Variants in SP4 observed in about 807,000 individuals in gnomAD.
The protein encoded by SP4 is Sp4 transcription factor.
A neutral mutation model predicts 72.8 loss-of-function variants in SP4; 19 were observed. That is an observed-to-expected ratio of 0.26 (90% CI 0.18 to 0.38). The LOEUF (loss-of-function observed/expected upper bound fraction) is 0.38. Among genes scored for constraint, SP4 ranks in the 10% least tolerant of loss-of-function variants. SP4 has a pLI of 1.00. For missense variants in SP4, 1,008 were observed against 926.3 expected (o/e 1.09, Z -1.14); for synonymous variants, 395 against 333.1 (o/e 1.19, Z -2.02).
Position 21,428,198 on chromosome 7 carries a change from C to CCCCCCCCCCCCCTT in SP4, c.-53_-52insCCCCCCCCCCCTTC. 9.1e-7 allele frequency: 1 copy of CCCCCCCCCCCCCTT among 1,099,422 alleles called. No individual in the cohort carries two copies. Among genetic ancestry groups the CCCCCCCCCCCCCTT allele is most frequent in the Non-Finnish European group, 1.3e-6 (1 of 750,816 alleles). The allele number at this position is 1,099,422 out of a possible 1,614,324, so 68.1% of individuals were successfully genotyped here. On this transcript the variant is annotated 5_prime_UTR_variant, in exon 1 of 6. Coordinates refer to ENST00000222584, the MANE Select transcript of SP4 (RefSeq NM_003112.5). ...CTCTCCTCCCGCCTCGCCCCCACCC[C>CCCCCCCCCCCCCTT]CACCCACCTCTATCCCAGTGTCTCC...
chr7:21,454,830 C>T (rs904366581), intron 3 of SP4, among the ~76,000 whole-genome samples: 1 of 152,064 alleles, frequency 6.6e-6, no homozygotes, highest in African/African-American at 2.4e-5. Flanking sequence ...GGTTGGGCAC[C>T]CATCTTTGAA....
intron 3 of SP4, among the ~76,000 whole-genome samples, chr7:21,451,623 C>T (rs1275651040): frequency 6.6e-6 from 1 of 152,068 alleles, no homozygotes; most frequent in Non-Finnish European, 1.5e-5. Context: ...CCAAGGGAGA[C>T]AGGGGCAGGA....
intron 5 of SP4, among the ~76,000 whole-genome samples, chr7:21,507,895 G>A (rs1453008295): frequency 6.6e-6 from 1 of 151,910 alleles, no homozygotes; most frequent in African/African-American, 2.4e-5. Flanking sequence ...ACGGGAGAAC[G>A]GAACCATGGA....
chr7:21,457,037 AT>A, intron 3 of SP4, among the ~76,000 whole-genome samples: 1 of 152,318 alleles, frequency 6.6e-6, no homozygotes, highest in African/African-American at 2.4e-5. Flanking sequence ...GAAGGAAGGC[AT>A]AGAGGTATCT....
chr7:21,483,932 T>C (rs1327355588), intron 5 of SP4, among the ~76,000 whole-genome samples: 1 of 151,882 alleles, frequency 6.6e-6, no homozygotes, highest in African/African-American at 2.4e-5. Context: ...CCAAGATACA[T>C]GTGGGACAAA....
chr7:21,511,062 T>C lies in SP4; in HGVS notation c.2148T>C (p.Phe716=). 2 of 1,614,104 alleles carry C rather than the reference T, an allele frequency of 1.2e-6. No individual in the cohort carries two copies. The highest frequency in any genetic ancestry group is 1.7e-6 in the Non-Finnish European group (2 of 1,179,956). ...RFECPECSKR[F]MRSDHLSKHV... ...AATGCCCGGAATGTTCTAAAAGGTT[T>C]ATGCGGAGTGATCATCTCTCCAAAC... Residue 716 remains phenylalanine (F), a synonymous_variant, in exon 6 of 6, where the codon TTT becomes TTC. Transcript: ENST00000222584.
intron 4 of SP4, among the ~76,000 whole-genome samples, chr7:21,479,177 A>C (rs1324959882): frequency 6.6e-6 from 1 of 150,788 alleles, no homozygotes; most frequent in Non-Finnish European, 1.5e-5. Context: ...TGAAGTCTAG[A>C]GTTTTCTATT....
rs894512983 is a variant in SP4, at chr7:21,429,285, G to T, written c.124-4G>T. ...CCTCTCCTTTACCGTCCCATTTTGG[G>T]TAGGACTCTCAGCCCTCTCCTCTGG... is the stretch of plus-strand genomic sequence containing the variant. On this transcript the variant is annotated splice_region_variant and splice_polypyrimidine_tract_variant and intron_variant, in intron 2 of 5. Coordinates refer to ENST00000222584, the MANE Select transcript of SP4 (RefSeq NM_003112.5). The T allele has an allele frequency of 2.5e-6, 4 of 1,572,624 alleles. No individual in the cohort carries two copies. The African/African-American group carries it at 5.6e-5, about 22-fold the overall frequency.
At position 21,428,203 on chromosome 7, in the gene SP4, C is replaced by CCCCCCCCCAA; in HGVS notation, c.-49_-48insCCCCCCCCAA. On this transcript the variant is annotated 5_prime_UTR_variant, in exon 1 of 6. Transcript: ENST00000222584. ...CTCCCGCCTCGCCCCCACCCCCACC[C>CCCCCCCCCAA]ACCTCTATCCCAGTGTCTCCGTCTG... is the stretch of plus-strand genomic sequence containing the variant. 8.2e-7 allele frequency: 1 copy of CCCCCCCCCAA among 1,216,718 alleles called. No individual in the cohort carries two copies. The highest frequency in any genetic ancestry group is 1.2e-6 in the Non-Finnish European group (1 of 854,966). 75.4% of individuals were successfully genotyped at this position (1,216,718 alleles called of 1,614,324 possible).
chr7:21,470,772 A>G (rs1784313388), intron 3 of SP4, among the ~76,000 whole-genome samples: 3 of 147,076 alleles, frequency 2.0e-5, no homozygotes, highest in African/African-American at 7.5e-5. Context: ...AAAAAAAAGC[A>G]GAACAAAAAA....
At chr7:21,481,338 G>A (rs146092745) in intron 4 of SP4, among the ~76,000 whole-genome samples, 1,809 of 152,304 alleles carry the variant, frequency 0.012, 38 homozygotes, top group African/African-American at 0.041. Flanking sequence ...GTGTGGAAAC[G>A]GGAGGAAGTA....
chr7:21,511,098 G>A lies in SP4; in HGVS notation c.2184G>A (p.Thr728=), dbSNP rs757153296. 6.8e-6 allele frequency: 11 copies of A among 1,613,902 alleles called. No individual in the cohort carries two copies. The highest frequency in any genetic ancestry group is 6.7e-5 in the Admixed American group (4 of 59,996). Residue 728 remains threonine (T), a synonymous_variant, in exon 6 of 6, where the codon ACG becomes ACA. Transcript: ENST00000222584. ...ATCATCTCTCCAAACATGTCAAAAC[G>A]CACCAGAATAAAAAAGGTGGTGGGA... ...RSDHLSKHVK[T]HQNKKGGGTA... is the part of the protein sequence containing the mutation.
intron 3 of SP4, among the ~76,000 whole-genome samples, chr7:21,434,577 A>T (rs148963731): frequency 9.1e-4 from 139 of 152,244 alleles, no homozygotes; most frequent in Non-Finnish European, 1.5e-3. Context: ...TGTTATTGGG[A>T]TTCTAAATTT....
At chr7:21,478,383 T>C (rs745944338) in intron 4 of SP4, among the ~76,000 whole-genome samples, 38 of 152,364 alleles carry the variant, frequency 2.5e-4, no homozygotes, top group Middle Eastern at 6.8e-3. Flanking sequence ...TATATGAAAT[T>C]ACCTAGAAAT....
In SP4 at chr7:21,430,484, C is replaced by G; in HGVS notation, c.1319C>G (p.Pro440Arg). The G allele has an allele frequency of 1.9e-6, 3 of 1,614,236 alleles. No individual in the cohort carries two copies. Among genetic ancestry groups the G allele is most frequent in the Non-Finnish European group, 2.5e-6 (3 of 1,180,040 alleles). The stretch of plus-strand genomic sequence containing the variant: ...ACGATTCAGACCATCCAGCAGCAGC[C>G]TTTACAGAATGTTCAACTTCAAGCA... ...GQTIQTIQQQ[P>R]LQNVQLQAVN... is the part of the protein sequence containing the mutation. The change falls in exon 3 of 6, where the codon CCT (proline) becomes CGT (arginine). Residue 440 changes from proline to arginine, a missense_variant. By Grantham distance (103) the Pro-to-Arg change is moderately radical. Coordinates refer to ENST00000222584, the MANE Select transcript of SP4 (RefSeq NM_003112.5).
At chr7:21,502,817 A>G (rs1781903881) in intron 5 of SP4, among the ~76,000 whole-genome samples, 1 of 152,096 alleles carries the variant, frequency 6.6e-6, no homozygotes, top group South Asian at 2.1e-4. Flanking sequence ...TTTGAGAATA[A>G]ATCGCCCTAC....
intron 3 of SP4, among the ~76,000 whole-genome samples, chr7:21,469,580 C>A (rs528281785): frequency 1.4e-5 from 2 of 139,204 alleles, no homozygotes; most frequent in Non-Finnish European, 3.1e-5. Context: ...CTTGCTCTGT[C>A]GCCCAGGCTG....
intron 2 of SP4, 27 bp downstream of exon 2, chr7:21,428,819 C>A: frequency 6.6e-7 from 1 of 1,510,526 alleles, no homozygotes; most frequent in African/African-American, 1.4e-5. Flanking sequence ...TAAAAAAATT[C>A]ATCACGACAC....
rs1435814458 is a variant in SP4, at chr7:21,429,704, A to G, written c.539A>G (p.Gln180Arg). 1 of 1,614,224 alleles carries G rather than the reference A, an allele frequency of 6.2e-7. No individual in the cohort carries two copies. The highest frequency in any genetic ancestry group is 1.7e-5 in the Admixed American group (1 of 60,030). The change falls in exon 3 of 6, where the codon CAA (glutamine) becomes CGA (arginine). Residue 180 changes from glutamine (Q) to arginine (R), a missense_variant. Gln to Arg is a conservative substitution (Grantham distance 43, BLOSUM62 1). This residue lies in a region of SP4 where 893 missense variants were observed against 743.3 expected (regional missense o/e 1.20). Coordinates refer to ENST00000222584, the MANE Select transcript of SP4 (RefSeq NM_003112.5). ...QLQTVEGQQIQINPTSSSSLQ... is the reference protein window; with the variant it reads ...QLQTVEGQQIRINPTSSSSLQ... Reference sequence around the variant, plus strand: ...CAGACAGTGGAAGGTCAACAAATTCAAATCAATCCAACTAGTAGTTCATCT... The same window carrying G: ...CAGACAGTGGAAGGTCAACAAATTCGAATCAATCCAACTAGTAGTTCATCT...
Sources: gnomAD v4.1 joint callset for allele counts (sites outside exome capture counted in the v4.1 genomes callset) on GRCh38, gnomAD v4.1.1 for gene constraint, gnomAD v4.1.1 regional missense constraint, MANE v1.5 for transcripts, NCBI Gene and HGNC (gene_info 2026-07-23, HGNC 2026-07-21) for gene names.